The following BTAF1 variants were observed in gnomAD, a reference collection of about 807,000 sequenced individuals.
The protein encoded by BTAF1 is TATA-binding protein-associated factor 172.
A neutral mutation model predicts 227.1 loss-of-function variants in BTAF1; 38 were observed. That is an observed-to-expected ratio of 0.17 (90% CI 0.13 to 0.22). BTAF1 has a LOEUF of 0.22. BTAF1 is among the 10% of genes least tolerant of loss of function. The pLI is 1.00. For synonymous variants in BTAF1, 742 were observed against 751.9 expected (o/e 0.99, Z 0.21); for missense variants, 1,598 against 2,204.0 (o/e 0.73, Z 5.51).
At chr10:91,976,792 C>A (rs2133962857) in intron 14 of BTAF1, among the ~76,000 whole-genome samples, 2 of 152,286 alleles carry the variant, frequency 1.3e-5, no homozygotes, top group Middle Eastern at 6.8e-3. Flanking sequence ...ATTTAAGTGC[C>A]TGCTATGGGC....
At position 91,940,071 on chromosome 10, in the gene BTAF1, T is replaced by A. The variant is rs1260200445; in HGVS notation, c.253+5T>A. The A allele has an allele frequency of 1.9e-6, 3 of 1,590,116 alleles. No individual in the cohort carries two copies. The East Asian group carries it at 6.7e-5, about 36-fold the overall frequency. ...CAGTGCCGAGAACCAGACAAGGTGC[T>A]TTTAAGTGGAGAAAGTAGTTTTAAG... On this transcript the variant is annotated splice_donor_5th_base_variant and intron_variant, in intron 3 of 37. Transcript: ENST00000265990.
intron 37 of BTAF1, among the ~76,000 whole-genome samples, chr10:92,028,374 C>T (rs892270139): frequency 1.3e-5 from 2 of 152,072 alleles, no homozygotes; most frequent in Non-Finnish European, 2.9e-5. Flanking sequence ...TTAATCTGAT[C>T]TTTATATGGT....
chr10:91,986,427 C>T (rs1172886493), intron 19 of BTAF1, among the ~76,000 whole-genome samples: 3 of 152,116 alleles, frequency 2.0e-5, no homozygotes, highest in Non-Finnish European at 4.4e-5. Flanking sequence ...GAAATTGAGT[C>T]ACTTCATTTG....
intron 4 of BTAF1, 49 bp downstream of exon 4, chr10:91,942,617 A>G (rs377624551): frequency 6.3e-7 from 1 of 1,583,342 alleles, no homozygotes; most frequent in Non-Finnish European, 8.7e-7. Context: ...TTTTCAGACT[A>G]ATTTGTCACT....
Position 92,013,620 on chromosome 10 carries a change from A to C in BTAF1, c.4312-47A>C, listed in dbSNP as rs370470473. The C allele has an allele frequency of 2.0e-5, 33 of 1,610,192 alleles. No individual in the cohort carries two copies. In the African/African-American group the frequency reaches 3.6e-4, roughly 18 times the overall value. ...TCATTAATGTTACTTTTTTAGTTGT[A>C]AGGAAATAATCCCAGTACAAAAGAT... On this transcript the variant is annotated intron_variant, in intron 30 of 37. Coordinates refer to ENST00000265990, the MANE Select transcript of BTAF1 (RefSeq NM_003972.3).
At chr10:91,993,910 T>C (rs551218292) in intron 22 of BTAF1, 63 bp downstream of exon 22, 1 of 1,272,190 alleles carries the variant, frequency 7.9e-7, no homozygotes, top group Non-Finnish European at 1.0e-6. Context: ...ATTGAATATA[T>C]CCTTATAAAA....
At position 91,959,740 on chromosome 10, in the gene BTAF1, G is replaced by GTATA. The variant is rs200052275; in HGVS notation, c.991-17_991-14dup. 65 of 226,528 alleles carry GTATA rather than the reference G, an allele frequency of 2.9e-4. 1 individual carries two copies. The highest frequency in any genetic ancestry group is 1.6e-3 in the African/African-American group (59 of 37,804). The allele number at this position is 226,528 out of a possible 1,614,324, so 14.0% of individuals were successfully genotyped here. A position where few individuals can be genotyped will look rare whatever the true frequency, so the allele number is the denominator to read the frequency against. On this transcript the variant is annotated intron_variant, in intron 9 of 37. Coordinates refer to ENST00000265990, the MANE Select transcript of BTAF1 (RefSeq NM_003972.3). ...AAAATGTGTGTGTGTGTGTGTGTGTGTATATATATATATATATATATATAT... is the reference window on the plus strand; with the variant it reads ...AAAATGTGTGTGTGTGTGTGTGTGTGTATATATATATATATATATATATATATAT...
intron 34 of BTAF1, 112 bp from the exon 35 acceptor site, chr10:92,024,644 C>T (rs1851360502): frequency 1.1e-6 from 1 of 923,468 alleles, no homozygotes; most frequent in East Asian, 2.6e-5. Context: ...ATCTGCTTTC[C>T]AGATTTCAGG....
At chr10:91,990,355 C>G (rs375287898) in intron 20 of BTAF1, among the ~76,000 whole-genome samples, 1 of 152,066 alleles carries the variant, frequency 6.6e-6, no homozygotes, top group Admixed American at 6.6e-5. Flanking sequence ...CTCTTACCCC[C>G]CTGGTCCATT....
At chr10:92,009,680 A>G (rs1850166868) in intron 28 of BTAF1, among the ~76,000 whole-genome samples, 1 of 152,184 alleles carries the variant, frequency 6.6e-6, no homozygotes, top group Non-Finnish European at 1.5e-5. Context: ...TTAAATAAAA[A>G]AGAGTTCCCC....
intron 32 of BTAF1, among the ~76,000 whole-genome samples, chr10:92,015,136 T>C (rs1009610486): frequency 6.6e-6 from 1 of 152,212 alleles, no homozygotes; most frequent in Non-Finnish European, 1.5e-5. Flanking sequence ...CAAAATAAAT[T>C]TTGCCTTGTG....
chr10:91,994,689 T>A, intron 23 of BTAF1, 45 bp downstream of exon 23: 2 of 1,502,642 alleles, frequency 1.3e-6, no homozygotes, highest in Admixed American at 1.7e-5. Flanking sequence ...ATAAAACAAG[T>A]GGTCTTATTA....
intron 1 of BTAF1, among the ~76,000 whole-genome samples, chr10:91,934,429 G>A (rs541509796): frequency 1.3e-5 from 2 of 152,098 alleles, no homozygotes; most frequent in Non-Finnish European, 1.5e-5. Flanking sequence ...TAGAGATGGG[G>A]TTTAACCATG....
chr10:91,931,980 G>A (rs1317931814), intron 1 of BTAF1, among the ~76,000 whole-genome samples: 1 of 152,188 alleles, frequency 6.6e-6, no homozygotes, highest in Non-Finnish European at 1.5e-5. Context: ...GCTTGGAATG[G>A]ATGAGAGAAT....
At chr10:91,974,981 C>T (rs1847582254) in intron 14 of BTAF1, among the ~76,000 whole-genome samples, 1 of 152,148 alleles carries the variant, frequency 6.6e-6, no homozygotes, top group Non-Finnish European at 1.5e-5. Context: ...TCTATATTGT[C>T]TCTTTAGCCA....
chr10:91,943,170 C>T (rs1227715035), intron 4 of BTAF1, among the ~76,000 whole-genome samples: 2 of 151,982 alleles, frequency 1.3e-5, no homozygotes, highest in African/African-American at 4.8e-5. Flanking sequence ...AAAAATTAGC[C>T]GGGCATGGTG....
rs1229258483 is a variant in BTAF1, at chr10:92,026,630, C to G, written c.5114C>G (p.Thr1705Ser). The G allele has an allele frequency of 1.9e-6, 3 of 1,613,654 alleles. No homozygotes were observed. The highest frequency in any genetic ancestry group is 2.5e-6 in the Non-Finnish European group (3 of 1,179,794). The part of the protein sequence containing the change: ...NDPSIDVLLL[T>S]THVGGLGLNL... Reference sequence around the variant, plus strand: ...CCATCTATAGACGTTCTGTTACTTACCACTCACGTTGGTGGCCTGGGACTT... The same window carrying G: ...CCATCTATAGACGTTCTGTTACTTAGCACTCACGTTGGTGGCCTGGGACTT... Residue 1705 changes from threonine to serine, a missense_variant, in exon 36 of 38, where the codon ACC (threonine) becomes AGC (serine). By Grantham distance (58) the Thr-to-Ser change is moderately conservative (BLOSUM62 1). Around this residue, in one of 10 missense-constraint regions of BTAF1, gnomAD observed 205 missense variants for 244.5 expected, o/e 0.84. Coordinates refer to ENST00000265990, the MANE Select transcript of BTAF1 (RefSeq NM_003972.3).
At chr10:91,942,653 G>A (rs1028751329) in intron 4 of BTAF1, 85 bp downstream of exon 4, 33 of 1,392,156 alleles carry the variant, frequency 2.4e-5, no homozygotes, top group Middle Eastern at 1.8e-4. Flanking sequence ...TTAGTCACAC[G>A]TAAACTAACA....
chr10:91,973,263 A>G (rs982320556), intron 14 of BTAF1, among the ~76,000 whole-genome samples: 3 of 152,200 alleles, frequency 2.0e-5, no homozygotes, highest in Non-Finnish European at 4.4e-5. Context: ...TGGCTCTATC[A>G]TTTGCTAATT....
Sources: gnomAD v4.1 joint callset for allele counts (sites outside exome capture counted in the v4.1 genomes callset) on GRCh38, gnomAD v4.1.1 for gene constraint, gnomAD v4.1.1 regional missense constraint, MANE v1.5 for transcripts, NCBI Gene and HGNC (gene_info 2026-07-23, HGNC 2026-07-21) for gene names.